The following NRG3 variants were observed in gnomAD, a reference collection of about 807,000 sequenced individuals.
The protein encoded by NRG3 is neuregulin 3, also known as pro-neuregulin-3, membrane-bound isoform.
In NRG3, 31 loss-of-function variants were observed where a neutral mutation model predicts 66.9. The observed-to-expected ratio is 0.46, with a 90% CI of 0.35 to 0.63. The LOEUF (loss-of-function observed/expected upper bound fraction) is 0.63. Among genes scored for constraint, NRG3 ranks in the 20% least tolerant of loss-of-function variants. The probability of loss-of-function intolerance (pLI) is 0.00; values close to 1 mark genes in which losing one functional copy is unlikely to be tolerated. For missense variants in NRG3, 910 were observed against 878.9 expected, an observed-to-expected ratio of 1.04 and a Z score of -0.45; for synonymous variants, 393 against 359.4, an observed-to-expected ratio of 1.09 and a Z score of -1.06.
At chr10:82,391,906 A>G (rs987397333) in intron 2 of NRG3, among the ~76,000 whole-genome samples, 1 of 147,190 alleles carries the variant, frequency 6.8e-6, no homozygotes, top group Non-Finnish European at 1.5e-5. Flanking sequence ...TAAAATTCTC[A>G]TCCAGGTTGC....
At chr10:81,971,877 A>C (rs79333542) in intron 1 of NRG3, among the ~76,000 whole-genome samples, 2,125 of 152,320 alleles carry the variant, frequency 0.014, 55 homozygotes, top group African/African-American at 0.048. Context: ...AAGCATAGAC[A>C]TGTGATAGAA....
chr10:82,161,086 A>T (rs1411511796), intron 1 of NRG3, among the ~76,000 whole-genome samples: 1 of 152,000 alleles, frequency 6.6e-6, no homozygotes, highest in Non-Finnish European at 1.5e-5. Flanking sequence ...AGAACAAGGT[A>T]TAGGGAAGTA....
chr10:82,210,142 A>G (rs1264159250), intron 1 of NRG3, among the ~76,000 whole-genome samples: 1 of 152,202 alleles, frequency 6.6e-6, no homozygotes, highest in African/African-American at 2.4e-5. Flanking sequence ...GAGGCTCTGC[A>G]TAAATGAATT....
chr10:82,764,524 G>A (rs1041439098), intron 3 of NRG3, among the ~76,000 whole-genome samples: 1 of 151,536 alleles, frequency 6.6e-6, no homozygotes, highest in Non-Finnish European at 1.5e-5. Context: ...CGCCACGCCT[G>A]GCTAATTTTT....
chr10:81,920,618 T>C (rs1846167992), intron 1 of NRG3, among the ~76,000 whole-genome samples: 1 of 152,206 alleles, frequency 6.6e-6, no homozygotes, highest in Admixed American at 6.5e-5. Context: ...AAAATCAAAT[T>C]CAAATAATCT....
At chr10:82,351,459 C>T (rs554279887) in intron 1 of NRG3, among the ~76,000 whole-genome samples, 2 of 152,116 alleles carry the variant, frequency 1.3e-5, no homozygotes, top group Non-Finnish European at 2.9e-5. Context: ...TCTTTGGTGG[C>T]ATCTCTTTCA....
At chr10:81,901,699 T>A (rs985136120) in intron 1 of NRG3, among the ~76,000 whole-genome samples, 3 of 152,120 alleles carry the variant, frequency 2.0e-5, no homozygotes, top group Admixed American at 2.0e-4. Context: ...AATACATAGC[T>A]TATGTATCTG....
intron 4 of NRG3, among the ~76,000 whole-genome samples, chr10:82,918,617 C>A (rs1846111236): frequency 6.6e-6 from 1 of 152,112 alleles, no homozygotes; most frequent in Non-Finnish European, 1.5e-5. Context: ...ACCATTATAA[C>A]CTGGTCTTAG....
intron 2 of NRG3, among the ~76,000 whole-genome samples, chr10:82,382,331 T>A (rs1339539685): frequency 2.0e-5 from 3 of 151,994 alleles, no homozygotes; most frequent in Non-Finnish European, 1.5e-5. Flanking sequence ...CTTCCTTTAG[T>A]AGCTTATAGG....
intron 2 of NRG3, among the ~76,000 whole-genome samples, chr10:82,465,427 T>G (rs1840580818): frequency 6.6e-6 from 1 of 152,172 alleles, no homozygotes; most frequent in South Asian, 2.1e-4. Flanking sequence ...AGCACCAGGA[T>G]CCCTTTGTCT....
At chr10:82,191,128 T>A (rs1054174882) in intron 1 of NRG3, among the ~76,000 whole-genome samples, 4 of 152,120 alleles carry the variant, frequency 2.6e-5, no homozygotes, top group African/African-American at 7.2e-5. Flanking sequence ...AATCAGGATT[T>A]GTCTCCGAGG....
At chr10:82,008,344 T>A (rs1321308032) in intron 1 of NRG3, among the ~76,000 whole-genome samples, 1 of 152,202 alleles carries the variant, frequency 6.6e-6, no homozygotes, top group Non-Finnish European at 1.5e-5. Context: ...GCATGTAGAA[T>A]ACTCCAGTGA....
rs2063090238 is a variant in NRG3 at position 82,042,482 on chromosome 10, G to C, written c.823+166319G>C. On this transcript the variant is annotated intron_variant, in intron 1 of 8. Transcript: ENST00000372141. The stretch of plus-strand genomic sequence containing the variant: ...TACTGATCAATTTATGATCAAAACT[G>C]CAAACAGTAATTGTAAATATTTTGA... Among the ~76,000 whole-genome samples the C allele has an allele frequency of 2.0e-5, 3 of 151,988 alleles. No homozygotes were observed. The South Asian group carries it at 6.2e-4, about 31-fold the overall frequency.
chr10:82,437,026 T>C (rs1590126595), intron 2 of NRG3, among the ~76,000 whole-genome samples: 2 of 152,292 alleles, frequency 1.3e-5, no homozygotes. Context: ...GGGGTTGATC[T>C]TCTCATAGAG....
chr10:82,688,293 G>A (rs2065768), intron 2 of NRG3, among the ~76,000 whole-genome samples: 31,075 of 152,072 alleles, frequency 0.2, 3,396 homozygotes, highest in Middle Eastern at 0.34. Flanking sequence ...TGAGCTCAGC[G>A]TTTTTATTTA....
At chr10:82,065,235 A>G (rs1382848054) in intron 1 of NRG3, among the ~76,000 whole-genome samples, 1 of 152,154 alleles carries the variant, frequency 6.6e-6, no homozygotes, top group Non-Finnish European at 1.5e-5. Flanking sequence ...TATTAATAGC[A>G]AGCACAAGCA....
At chr10:82,888,904 A>C (rs1245604489) in intron 4 of NRG3, among the ~76,000 whole-genome samples, 1 of 152,222 alleles carries the variant, frequency 6.6e-6, no homozygotes, top group African/African-American at 2.4e-5. Flanking sequence ...TTTTAAGGGA[A>C]AACTTTCCAG....
intron 6 of NRG3, among the ~76,000 whole-genome samples, chr10:82,965,860 C>G (rs1268467281): frequency 1.3e-5 from 2 of 152,056 alleles, no homozygotes; most frequent in Non-Finnish European, 2.9e-5. Context: ...GTGGAGTATG[C>G]ATCTTGAGGG....
At position 82,057,229 on chromosome 10, in the gene NRG3, C is replaced by T. The variant is rs995284365; in HGVS notation, c.823+181066C>T. Among the ~76,000 whole-genome samples the T allele has an allele frequency of 6.6e-5, 10 of 152,004 alleles. No individual in the cohort carries two copies. The South Asian group carries it at 8.3e-4, about 13-fold the overall frequency. ...AAGCCATATCTGATAGTCTTTTTAA[C>T]GTTACATTTTTCATTTCTATAGAGT... On this transcript the variant is annotated intron_variant, in intron 1 of 8. Transcript: ENST00000372141.
Sources: gnomAD v4.1 joint callset for allele counts (sites outside exome capture counted in the v4.1 genomes callset) on GRCh38, gnomAD v4.1.1 for gene constraint, MANE v1.5 for transcripts, NCBI Gene and HGNC (gene_info 2026-07-23, HGNC 2026-07-21) for gene names.